NSD2: variants seen among roughly 807,000 people sequenced by gnomAD.
The protein encoded by NSD2 is histone-lysine N-methyltransferase NSD2.
NSD2 carries 12 observed loss-of-function variants against 139.0 expected under a neutral mutation model. That is an observed-to-expected ratio of 0.09 (90% CI 0.06 to 0.14). The LOEUF is 0.14. NSD2 is among the 10% of genes least tolerant of loss of function. The probability of loss-of-function intolerance (pLI) is 1.00; values close to 1 mark genes in which losing one functional copy is unlikely to be tolerated. For missense variants in NSD2, 1,155 were observed against 1,745.0 expected (o/e 0.66, Z 6.02); for synonymous variants, 669 against 648.7 (o/e 1.03, Z -0.48).
intron 9 of NSD2, chr4:1,944,054 A>T (rs1314700934): frequency 9.4e-7 from 1 of 1,059,108 alleles, no homozygotes; most frequent in Non-Finnish European, 1.1e-6. Flanking sequence ...ACATGGGGGA[A>T]CGTGGATGGG....
intron 1 of NSD2, among the ~76,000 whole-genome samples, chr4:1,898,658 T>TAAAAAAAAAA (rs967880779): frequency 4.2e-5 from 5 of 119,282 alleles, no homozygotes; most frequent in African/African-American, 1.6e-4. Context: ...AGACTCCGTC[T>TAAAAAAAAAA]AAAAAAAAAA....
chr4:1,959,082 G>C (rs1452193008), intron 16 of NSD2, among the ~76,000 whole-genome samples: 1 of 152,210 alleles, frequency 6.6e-6, no homozygotes, highest in Non-Finnish European at 1.5e-5. Flanking sequence ...CAGAGAGATG[G>C]GTCGGGAAGC....
At chr4:1,889,728 C>T (rs1246822375) in intron 1 of NSD2, among the ~76,000 whole-genome samples, 1 of 151,528 alleles carries the variant, frequency 6.6e-6, no homozygotes, top group Non-Finnish European at 1.5e-5. Context: ...TCAGGTGATC[C>T]ACTCCTGACC....
At chr4:1,938,670 G>A in intron 8 of NSD2, 138 bp downstream of exon 8, 2 of 585,902 alleles carry the variant, frequency 3.4e-6, no homozygotes. Flanking sequence ...AATTAAGCTA[G>A]GAGTGAAAAA....
chr4:1,917,051 C>G lies in NSD2; in HGVS notation c.927+14C>G, dbSNP rs776698228. ...GAGAAAATTAAGGTGATAGATGACC[C>G]TTCAGTCTACTTTTAGACCAGAAAT... On this transcript the variant is annotated intron_variant, in intron 4 of 21. Coordinates refer to ENST00000508803, the MANE Select transcript of NSD2 (RefSeq NM_001042424.3). 24 of 1,578,018 alleles carry G rather than the reference C, an allele frequency of 1.5e-5. No individual in the cohort carries two copies. Among genetic ancestry groups the G allele is most frequent in the Non-Finnish European group, 2.1e-5 (24 of 1,164,520 alleles).
chr4:1,976,824 T>C lies in NSD2; in HGVS notation c.3826+145T>C. 1.2e-6 allele frequency: 1 copy of C among 803,738 alleles called. No homozygotes were observed. The highest frequency in any genetic ancestry group is 2.7e-5 in the East Asian group (1 of 37,432). 49.8% of individuals were successfully genotyped at this position (803,738 alleles called of 1,614,324 possible). On this transcript the variant is annotated intron_variant, in intron 21 of 21. Coordinates refer to ENST00000508803, the MANE Select transcript of NSD2 (RefSeq NM_001042424.3). This position sits in a 1 kb window ranked among gnomAD's most constrained non-coding sequence, Gnocchi z 5.3. ...ATGCAGCGAAGGCCCTGATCCAGGG[T>C]GGCAGAGCCTTTCTTTGTTCCACCA...
At position 1,951,214 on chromosome 4, in the gene NSD2, G is replaced by A; in HGVS notation, c.2013+11G>A. 2.5e-6 allele frequency: 4 copies of A among 1,613,986 alleles called. No homozygotes were observed. The highest frequency in any genetic ancestry group is 3.4e-6 in the Non-Finnish European group (4 of 1,179,942). On this transcript the variant is annotated intron_variant, in intron 10 of 21. Transcript: ENST00000508803. ...GAGTATGTGTGCCAGGTGAGGAGAA[G>A]GCAGCATCCGCTATGTCCGTGCTGG...
intron 9 of NSD2, chr4:1,940,056 CTG>C: frequency 1.5e-6 from 2 of 1,299,684 alleles, no homozygotes; most frequent in Non-Finnish European, 2.0e-6. Flanking sequence ...TTCTTAAAAT[CTG>C]TCTGAAGAAT....
At chr4:1,878,030 A>G (rs1044766078) in intron 1 of NSD2, among the ~76,000 whole-genome samples, 2 of 151,714 alleles carry the variant, frequency 1.3e-5, no homozygotes, top group Non-Finnish European at 2.9e-5. Flanking sequence ...CTGTCCCAAA[A>G]GAAAAATAAA....
In NSD2 at chr4:1,956,392, G is replaced by T. The variant is rs1433040782; in HGVS notation, c.2881+204G>T. Among the ~76,000 whole-genome samples, 2 of 152,172 alleles carry T rather than the reference G, an allele frequency of 1.3e-5. No individual in the cohort carries two copies. The highest frequency in any genetic ancestry group is 6.5e-5 in the Admixed American group (1 of 15,288). On this transcript the variant is annotated intron_variant, in intron 15 of 21. Transcript: ENST00000508803. The surrounding 1 kb of genome is among the most constrained non-coding windows in gnomAD (Gnocchi z 5.3). ...CTGATAACTTTTGTAACATTGGTTT[G>T]TGATTAATTTCATTAAAATTCTGTA...
intron 1 of NSD2, among the ~76,000 whole-genome samples, chr4:1,886,766 G>A (rs545101147): frequency 6.6e-6 from 1 of 152,172 alleles, no homozygotes; most frequent in African/African-American, 2.4e-5. Flanking sequence ...TGAACCTGGG[G>A]AGGTGGAGGT....
intron 1 of NSD2, among the ~76,000 whole-genome samples, chr4:1,898,669 A>C (rs571245728): frequency 2.0e-5 from 3 of 146,888 alleles, no homozygotes; most frequent in East Asian, 3.9e-4. Context: ...AAAAAAAAAA[A>C]AACAAAAAAC....
At chr4:1,891,484 A>C (rs896255394) in intron 1 of NSD2, among the ~76,000 whole-genome samples, 1 of 152,148 alleles carries the variant, frequency 6.6e-6, no homozygotes, top group African/African-American at 2.4e-5. Flanking sequence ...CGGAATTATC[A>C]GAGTGGGCTT....
At chr4:1,925,389 CTTTTTTTTTTTTTTT>C (rs34335852) in intron 5 of NSD2, among the ~76,000 whole-genome samples, 14 of 38,000 alleles carry the variant, frequency 3.7e-4, no homozygotes, top group African/African-American at 1.3e-3. Flanking sequence ...CTTTTTCTTT[CTTTTTTTTTTTTTTT>C]TTTTTTTTTT....
intron 21 of NSD2, among the ~76,000 whole-genome samples, chr4:1,978,411 G>A (rs1727353607): frequency 6.6e-6 from 1 of 152,166 alleles, no homozygotes; most frequent in African/African-American, 2.4e-5. Flanking sequence ...ATAAAGAGAC[G>A]CTAACAGGTG....
At chr4:1,966,111 A>G (rs1256847256) in intron 18 of NSD2, among the ~76,000 whole-genome samples, 1 of 152,220 alleles carries the variant, frequency 6.6e-6, no homozygotes, top group Non-Finnish European at 1.5e-5. Flanking sequence ...TTTCAAAGAT[A>G]AGGGTGAAAT....
At position 1,929,923 on chromosome 4, in the gene NSD2, G is replaced by A. The variant is rs565591313; in HGVS notation, c.1411-703G>A. Reference sequence around the variant, plus strand: ...CCCCCAGGTTATTACCAGGTGGAGCGAAGTCCCCAGGATCAGACTTCGGTG... The same window carrying A: ...CCCCCAGGTTATTACCAGGTGGAGCAAAGTCCCCAGGATCAGACTTCGGTG... On this transcript the variant is annotated intron_variant, in intron 5 of 21. Coordinates refer to ENST00000508803, the MANE Select transcript of NSD2 (RefSeq NM_001042424.3). Among the ~76,000 whole-genome samples, 60 of 152,272 alleles carry A rather than the reference G, an allele frequency of 3.9e-4. 1 individual carries two copies. The Middle Eastern group carries it at 0.017, about 43-fold the overall frequency.
chr4:1,971,928 G>A (rs552359332), intron 18 of NSD2, among the ~76,000 whole-genome samples: 21 of 152,306 alleles, frequency 1.4e-4, no homozygotes, highest in South Asian at 6.2e-4. Context: ...AGACATCAGC[G>A]GCTGCCAGCT....
At chr4:1,967,939 G>C (rs977645928) in intron 18 of NSD2, among the ~76,000 whole-genome samples, 1 of 152,172 alleles carries the variant, frequency 6.6e-6, no homozygotes, top group African/African-American at 2.4e-5. Flanking sequence ...TGGTCAGTCT[G>C]GTGTCTTATT....
Sources: gnomAD v4.1 joint callset for allele counts (sites outside exome capture counted in the v4.1 genomes callset) on GRCh38, gnomAD v4.1.1 for gene constraint, Gnocchi (gnomAD v3.1) non-coding constraint, MANE v1.5 for transcripts, NCBI Gene and HGNC (gene_info 2026-07-23, HGNC 2026-07-21) for gene names.